Variants in MAPK10 observed in about 807,000 individuals in gnomAD.
MAPK10 encodes mitogen-activated protein kinase 10.
In MAPK10, 25 loss-of-function variants were observed where a neutral mutation model predicts 59.3. That is an observed-to-expected ratio of 0.42 (90% CI 0.31 to 0.59). MAPK10 has a LOEUF of 0.59. Ranked by LOEUF, MAPK10 falls within the 20% of genes least tolerant of loss-of-function variation. The probability of loss-of-function intolerance (pLI) is 0.15; values close to 1 mark genes in which losing one functional copy is unlikely to be tolerated. For missense variants in MAPK10, 351 were observed against 568.9 expected (o/e 0.62, Z 3.90); for synonymous variants, 190 against 200.5 (o/e 0.95, Z 0.44).
At chr4:86,090,842 T>A (rs1284208512) in intron 9 of MAPK10, 1 of 152,042 alleles carries the variant, frequency 6.6e-6, no homozygotes, top group Non-Finnish European at 1.5e-5. Context: ...TTCAAATGTT[T>A]AGAAAAAAAA....
At chr4:86,235,389 TG>T (rs2148672477) in intron 2 of MAPK10, among the ~76,000 whole-genome samples, 1 of 152,302 alleles carries the variant, frequency 6.6e-6, no homozygotes, top group South Asian at 2.1e-4. Flanking sequence ...AGAGGGCTTG[TG>T]GGGTACCCAT....
At chr4:86,034,134 A>G (rs1016620214) in intron 11 of MAPK10, among the ~76,000 whole-genome samples, 3 of 152,262 alleles carry the variant, frequency 2.0e-5, no homozygotes, top group Non-Finnish European at 2.9e-5. Flanking sequence ...AGTTTAGCAG[A>G]TAAGAGTAAT....
At chr4:86,292,660 A>G (rs147093443) in intron 2 of MAPK10, among the ~76,000 whole-genome samples, 3,683 of 152,318 alleles carry the variant, frequency 0.024, 69 homozygotes, top group South Asian at 0.043. Flanking sequence ...TTGAAGTTGC[A>G]GTAGCTATGA....
intron 3 of MAPK10, among the ~76,000 whole-genome samples, chr4:86,187,364 C>G (rs1170537834): frequency 6.6e-6 from 1 of 152,136 alleles, no homozygotes; most frequent in Non-Finnish European, 1.5e-5. Context: ...TTACGTAATT[C>G]ACTGGCAGGT....
At chr4:86,259,830 A>C (rs945918704) in intron 2 of MAPK10, among the ~76,000 whole-genome samples, 1 of 152,146 alleles carries the variant, frequency 6.6e-6, no homozygotes, top group African/African-American at 2.4e-5. Flanking sequence ...ATCACAGTTC[A>C]GAGATAAACC....
At chr4:86,323,578 G>A (rs2095952143) in intron 2 of MAPK10, among the ~76,000 whole-genome samples, 1 of 152,164 alleles carries the variant, frequency 6.6e-6, no homozygotes, top group South Asian at 2.1e-4. Context: ...TCCTACAGCA[G>A]TCTATACAAA....
chr4:86,432,714 T>C (rs983449291), intron 1 of MAPK10, among the ~76,000 whole-genome samples: 9 of 152,180 alleles, frequency 5.9e-5, no homozygotes, highest in Non-Finnish European at 1.2e-4. Context: ...AGAACTGCAC[T>C]CACTACTTGT....
rs187731372 is a variant in MAPK10, at chr4:86,476,749, T to C, written c.-263+117161A>G. On this transcript the variant is annotated intron_variant, in intron 1 of 4. Transcript: ENST00000502302. ...AATGTATTTCTGAGTTGCAATTCCTTGCCTCCACTGTGAGACAAGCCCCAG... is the reference window on the plus strand; with the variant it reads ...AATGTATTTCTGAGTTGCAATTCCTCGCCTCCACTGTGAGACAAGCCCCAG... 2.5e-3 allele frequency among the ~76,000 whole-genome samples: 388 copies of C among 152,238 alleles called. 4 individuals are homozygous for C. Among genetic ancestry groups the C allele is most frequent in the African/African-American group, 9.1e-3 (379 of 41,556 alleles).
intron 9 of MAPK10, chr4:86,079,942 T>C (rs1172671064): frequency 6.6e-6 from 1 of 152,070 alleles, no homozygotes; most frequent in African/African-American, 2.4e-5. Flanking sequence ...TTTTGGTCTT[T>C]TGGTCTCTCT....
intron 2 of MAPK10, chr4:86,327,052 C>G (rs1200965979): frequency 3.3e-5 from 5 of 152,216 alleles, no homozygotes. Context: ...CTCACTGCAG[C>G]CTCGACCTCC....
intron 1 of MAPK10, among the ~76,000 whole-genome samples, chr4:86,418,145 C>T (rs1280882499): frequency 6.6e-6 from 1 of 152,144 alleles, no homozygotes; most frequent in African/African-American, 2.4e-5. Context: ...CTGGAGATTA[C>T]TAGTACGAAC....
intron 11 of MAPK10, among the ~76,000 whole-genome samples, chr4:86,060,687 C>A (rs2045578977): frequency 6.6e-6 from 1 of 152,132 alleles, no homozygotes; most frequent in African/African-American, 2.4e-5. Context: ...AAATCTCCTA[C>A]TGATAATCAA....
intron 1 of MAPK10, among the ~76,000 whole-genome samples, chr4:86,452,670 T>C (rs955832169): frequency 1.3e-5 from 2 of 152,182 alleles, no homozygotes; most frequent in African/African-American, 4.8e-5. Context: ...TAAGCTAAGC[T>C]TGCCTATAAA....
At chr4:86,371,950 A>G (rs548894192) in intron 1 of MAPK10, among the ~76,000 whole-genome samples, 1 of 152,228 alleles carries the variant, frequency 6.6e-6, no homozygotes, top group East Asian at 1.9e-4. Flanking sequence ...TTAACACCCC[A>G]CTGTCAATAT....
chr4:86,443,064 G>C (rs1377706727), intron 1 of MAPK10, among the ~76,000 whole-genome samples: 8 of 152,118 alleles, frequency 5.3e-5, no homozygotes, highest in African/African-American at 1.7e-4. Flanking sequence ...AACCTCTGAG[G>C]GAACCAGTGC....
chr4:86,438,518 T>C (rs924611642), intron 1 of MAPK10, among the ~76,000 whole-genome samples: 1 of 151,780 alleles, frequency 6.6e-6, no homozygotes, highest in Non-Finnish European at 1.5e-5. Context: ...GGTGAGAACT[T>C]GTCTGTACTA....
chr4:86,505,587 TA>T (rs576518924), intron 1 of MAPK10, among the ~76,000 whole-genome samples: 37 of 150,148 alleles, frequency 2.5e-4, no homozygotes, highest in South Asian at 4.2e-4. Flanking sequence ...ACCCTGTTTT[TA>T]AAAAAAAAAG....
intron 1 of MAPK10, among the ~76,000 whole-genome samples, chr4:86,552,426 G>GAGGAAGGAAGGAAGGAAGGAAGGA (rs1354327822): frequency 1.9e-5 from 2 of 106,926 alleles, no homozygotes; most frequent in Non-Finnish European, 3.7e-5. Flanking sequence ...GTCTCAAAGA[G>GAGGAAGGAAGGAAGGAAGGAAGGA]AGGAAGGAAG....
rs192372858 is a variant in MAPK10, at chr4:86,487,097, G to A, written c.-263+106813C>T. On this transcript the variant is annotated intron_variant, in intron 1 of 4. Transcript: ENST00000502302. ...TGGGTACTGAAGACATGAGACAGTC[G>A]ATTGCAATGCAGGATCCTATGCTGG... Among the ~76,000 whole-genome samples, 683 of 152,260 alleles carry A rather than the reference G, an allele frequency of 4.5e-3. 16 individuals are homozygous for A. Among genetic ancestry groups the A allele is most frequent in the East Asian group, 3.1e-3 (16 of 5,186 alleles).
Sources: gnomAD v4.1 joint callset for allele counts (sites outside exome capture counted in the v4.1 genomes callset) on GRCh38, gnomAD v4.1.1 for gene constraint, MANE v1.5 for transcripts, NCBI Gene and HGNC (gene_info 2026-07-23, HGNC 2026-07-21) for gene names.